Variants in SCRT1 observed in about 807,000 individuals in gnomAD.
SCRT1 encodes transcriptional repressor scratch 1.
In SCRT1, 1 loss-of-function variant was observed where a neutral mutation model predicts 3.4. The ratio of observed to expected loss-of-function variants is 0.29; its 90% CI spans 0.10 to 1.39. The LOEUF (loss-of-function observed/expected upper bound fraction) is 1.39. Ranked by LOEUF, SCRT1 falls within the 40% of genes most tolerant of loss-of-function variation. The probability of loss-of-function intolerance (pLI) is 0.42; values close to 1 mark genes in which losing one functional copy is unlikely to be tolerated. For synonymous variants in SCRT1, 238 were observed against 247.0 expected (o/e 0.96, Z 0.34); for missense variants, 380 against 526.3 (o/e 0.72, Z 2.72).
At position 144,332,285 on chromosome 8, in the gene SCRT1, C is replaced by G. The variant is rs936101641; in HGVS notation, c.*900G>C. 1.3e-5 allele frequency: 2 copies of G among 152,168 alleles called. No individual in the cohort carries two copies. Among genetic ancestry groups the G allele is most frequent in the Non-Finnish European group, 2.9e-5 (2 of 68,006 alleles). 9.4% of individuals were successfully genotyped at this position (152,168 alleles called of 1,614,324 possible). A position where few individuals can be genotyped will look rare whatever the true frequency, so the allele number is the denominator to read the frequency against. On this transcript the variant is annotated 3_prime_UTR_variant, in exon 2 of 2. Transcript: ENST00000569446. ...AAAAGAAACCCGACGCGTCCGCAAC[C>G]CCCCCAGGGGGCTTTACCCGCAAAG...
rs1275405313 is a variant in SCRT1, at chr8:144,331,212, G to A, written c.*1973C>T. On this transcript the variant is annotated 3_prime_UTR_variant, in exon 2 of 2. Coordinates refer to ENST00000569446, the MANE Select transcript of SCRT1 (RefSeq NM_031309.6). ...GGCAGCCACGCTTGCTGCTGGGGGT[G>A]AGGCTGGCCACACCATAGGCTACAG... 6.6e-6 allele frequency: 1 copy of A among 152,348 alleles called. No individual in the cohort carries two copies. The highest frequency in any genetic ancestry group is 1.5e-5 in the Non-Finnish European group (1 of 68,118). The allele number at this position is 152,348 out of a possible 1,614,324, so 9.4% of individuals were successfully genotyped here.
In SCRT1 at chr8:144,333,862, A is replaced by G. The variant is rs1251365630; in HGVS notation, c.370T>C (p.Ser124Pro). Residue 124 changes from serine (S) to proline (P), a missense_variant, in exon 2 of 2, where the codon TCG becomes CCG. By Grantham distance (74) the Ser-to-Pro change is moderately conservative (BLOSUM62 -1). Transcript: ENST00000569446. ...CCGGCATTGGAAGCCTTACGCCGCG[A>G]GCGCCCGTCGGTGATGAAGAAGGCG... ...ADAFFITDGR[S>P]RRKASNAGAA... 1.6e-6 allele frequency: 2 copies of G among 1,261,648 alleles called. No individual in the cohort carries two copies. Among genetic ancestry groups the G allele is most frequent in the Non-Finnish European group, 2.0e-6 (2 of 1,004,152 alleles). 78.2% of individuals were successfully genotyped at this position (1,261,648 alleles called of 1,614,324 possible). A position where few individuals can be genotyped will look rare whatever the true frequency, so the allele number is the denominator to read the frequency against.
Position 144,334,111 on chromosome 8 carries a change from G to A in SCRT1, c.121C>T (p.Leu41Phe). The change falls in exon 2 of 2, where the codon CTC becomes TTC. Residue 41 changes from leucine (L) to phenylalanine (F), a missense_variant. Leu to Phe is a conservative substitution (Grantham distance 22). This residue lies in a region of SCRT1 where 125 missense variants were observed against 132.7 expected (regional missense o/e 0.94). Transcript: ENST00000569446. Reference sequence around the variant, plus strand: ...GACGAGGGCCCCACGTAGTCGCTGAGGTACCCTGCGGGCGGAGGCGGACGG... The same window carrying A: ...GACGAGGGCCCCACGTAGTCGCTGAAGTACCCTGCGGGCGGAGGCGGACGG... ...LGAPLHDKGY[L>F]SDYVGPSSVY... The A allele has an allele frequency of 6.5e-7, 1 of 1,533,780 alleles. No individual in the cohort carries two copies. Among genetic ancestry groups the A allele is most frequent in the East Asian group, 2.5e-5 (1 of 39,572 alleles).
At position 144,333,998 on chromosome 8, in the gene SCRT1, A is replaced by T. The variant is rs1817845952; in HGVS notation, c.234T>A (p.Gly78=). The part of the protein sequence containing the change: ...MYAAAVRGEL[G]PAAAGSAPPP... ...GCGGCGCAGACCCTGCAGCCGCCGG[A>T]CCCAGCTCTCCACGCACAGCTGCTG... The change falls in exon 2 of 2, where the codon GGT becomes GGA. Residue 78 remains glycine, a synonymous_variant. Transcript: ENST00000569446. 6.9e-7 allele frequency: 1 copy of T among 1,450,026 alleles called. No individual in the cohort carries two copies. Among genetic ancestry groups the T allele is most frequent in the Non-Finnish European group, 9.1e-7 (1 of 1,101,934 alleles). The allele number at this position is 1,450,026 out of a possible 1,614,324, so 89.8% of individuals were successfully genotyped here. A position where few individuals can be genotyped will look rare whatever the true frequency, so the allele number is the denominator to read the frequency against.
In SCRT1 at chr8:144,332,136, C is replaced by T. The variant is rs1817777107; in HGVS notation, c.*1049G>A. ...TAGAGGCTCCCAGCTAGGGGCGGGC[C>T]TCGGGGCGTGGAAAGTAATCCCGGA... On this transcript the variant is annotated 3_prime_UTR_variant, in exon 2 of 2. Transcript: ENST00000569446. The T allele has an allele frequency of 6.6e-6, 1 of 152,130 alleles. No homozygotes were observed. Among genetic ancestry groups the T allele is most frequent in the Non-Finnish European group, 1.5e-5 (1 of 68,018 alleles). 9.4% of individuals were successfully genotyped at this position (152,130 alleles called of 1,614,324 possible).
chr8:144,336,115 C>T lies in SCRT1; in HGVS notation c.55G>A (p.Asp19Asn). 3.1e-6 allele frequency: 5 copies of T among 1,610,660 alleles called. No homozygotes were observed. The highest frequency in any genetic ancestry group is 1.7e-4 in the Middle Eastern group (1 of 6,048). The change falls in exon 1 of 2, where the codon GAC (aspartate) becomes AAC (asparagine). Residue 19 changes from aspartate (D) to asparagine (N), a missense_variant. Around this residue, in one of 5 missense-constraint regions of SCRT1, gnomAD observed 125 missense variants for 132.7 expected, o/e 0.94. Coordinates refer to ENST00000569446, the MANE Select transcript of SCRT1 (RefSeq NM_031309.6). This position sits in a 1 kb window ranked among gnomAD's most constrained non-coding sequence, Gnocchi z 6.8. ...KVKLDAFSSA[D>N]LESAYGRARS... ...GCGCGTCCGTAGGCGCTCTCCAGGT[C>T]GGCCGAAGAGAACGCGTCAAGTTTG...
In SCRT1 at chr8:144,333,402, C is replaced by T. The variant is rs1554849851; in HGVS notation, c.830G>A (p.Gly277Asp). 2 of 1,606,314 alleles carry T rather than the reference C, an allele frequency of 1.2e-6. No homozygotes were observed. The highest frequency in any genetic ancestry group is 1.7e-5 in the Admixed American group (1 of 58,824). The change falls in exon 2 of 2, where the codon GGC (glycine) becomes GAC (aspartate). Residue 277 changes from glycine to aspartate, a missense_variant. Gly to Asp is a moderately conservative substitution (Grantham distance 94). Around this residue, in one of 5 missense-constraint regions of SCRT1, gnomAD observed 56 missense variants for 169.3 expected, o/e 0.33. Coordinates refer to ENST00000569446, the MANE Select transcript of SCRT1 (RefSeq NM_031309.6). ...MRSHTGEKPFGCAHCGKAFAD... is the reference protein window; with the variant it reads ...MRSHTGEKPFDCAHCGKAFAD... ...GAAGGCCTTGCCGCAGTGCGCGCAG[C>T]CGAAGGGTTTCTCGCCGGTGTGCGA...
In SCRT1 at chr8:144,336,403, A is replaced by G; in HGVS notation, c.-234T>C. ...CTTCAATCCTTCCTTCCTTCCTTCA[A>G]TCCTTCCTTCCTTCTCTCCTCTTCT... On this transcript the variant is annotated 5_prime_UTR_variant, in exon 1 of 2. Transcript: ENST00000569446. The surrounding 1 kb of genome is among the most constrained non-coding windows in gnomAD (Gnocchi z 6.8). The G allele has an allele frequency of 2.3e-6, 1 of 427,664 alleles. No homozygotes were observed. Among genetic ancestry groups the G allele is most frequent in the Non-Finnish European group, 4.2e-6 (1 of 236,642 alleles). 26.5% of individuals were successfully genotyped at this position (427,664 alleles called of 1,614,324 possible).
chr8:144,333,587 G>A lies in SCRT1; in HGVS notation c.645C>T (p.Ser215=), dbSNP rs1159544802. The stretch of plus-strand genomic sequence containing the variant: ...AGCGCCGCGCCAGCTGGCTGTCCAG[G>A]CTGCGGTGCGTCTGCTTGTGGCGGC... ...NLSRHKQTHR[S]LDSQLARRCP... is the part of the protein sequence containing the mutation. The change falls in exon 2 of 2, where the codon AGC becomes AGT. Residue 215 remains serine (S), a synonymous_variant. Transcript: ENST00000569446. The A allele has an allele frequency of 6.2e-7, 1 of 1,610,100 alleles. No homozygotes were observed. Among genetic ancestry groups the A allele is most frequent in the Non-Finnish European group, 8.5e-7 (1 of 1,179,322 alleles).
chr8:144,334,057 G>T lies in SCRT1; in HGVS notation c.175C>A (p.Leu59Met). The change falls in exon 2 of 2, where the codon CTG (leucine) becomes ATG (methionine). Residue 59 changes from leucine to methionine, a missense_variant. Leu to Met is a conservative substitution (Grantham distance 15). Coordinates refer to ENST00000569446, the MANE Select transcript of SCRT1 (RefSeq NM_031309.6). ...GGCTCCGGCGACGGCCCTTTGAGCA[G>T]CGCAGCCTCGGCGTCGCCATCGTAG... ...SVYDGDAEAA[L>M]LKGPSPEPMY... is the part of the protein sequence containing the mutation. 1 of 1,536,350 alleles carries T rather than the reference G, an allele frequency of 6.5e-7. No homozygotes were observed. The highest frequency in any genetic ancestry group is 8.7e-7 in the Non-Finnish European group (1 of 1,144,676).
At chr8:144,334,433 A>G (rs1817855546) in intron 1 of SCRT1, among the ~76,000 whole-genome samples, 1 of 151,808 alleles carries the variant, frequency 6.6e-6, no homozygotes, top group Non-Finnish European at 1.5e-5. Context: ...CGGAGCCTCA[A>G]GGTCAGGGGG....
rs1431746201 is a variant in SCRT1 at position 144,334,203 on chromosome 8, C to T, written c.116-87G>A. The T allele has an allele frequency of 4.2e-6, 4 of 943,386 alleles. No homozygotes were observed. In the African/African-American group the frequency reaches 5.2e-5, roughly 12 times the overall value. The allele number at this position is 943,386 out of a possible 1,614,324, so 58.4% of individuals were successfully genotyped here. A position where few individuals can be genotyped will look rare whatever the true frequency, so the allele number is the denominator to read the frequency against. ...GGATGGGGGGGCGGGAGACAGCAGA[C>T]GCGGACCGGGAGACCCGGGTCCGGG... On this transcript the variant is annotated intron_variant, in intron 1 of 1. Coordinates refer to ENST00000569446, the MANE Select transcript of SCRT1 (RefSeq NM_031309.6).
At position 144,336,142 on chromosome 8, in the gene SCRT1, C is replaced by T. The variant is rs782332408; in HGVS notation, c.28G>A (p.Val10Ile). MPRSFLVKKVKLDAFSSADL... is the reference protein window; with the variant it reads MPRSFLVKKIKLDAFSSADL... ...GCCGAAGAGAACGCGTCAAGTTTGA[C>T]CTTCTTGACCAGGAAGGACCTGGGC... Residue 10 changes from valine (V) to isoleucine (I), a missense_variant, in exon 1 of 2, where the codon GTC (valine) becomes ATC (isoleucine). Transcript: ENST00000569446. The surrounding 1 kb of genome is among the most constrained non-coding windows in gnomAD (Gnocchi z 6.8). 2.5e-6 allele frequency: 4 copies of T among 1,609,060 alleles called. No homozygotes were observed. Among genetic ancestry groups the T allele is most frequent in the Non-Finnish European group, 3.4e-6 (4 of 1,178,144 alleles).
rs1347135598 is a variant in SCRT1, at chr8:144,333,891, G to A, written c.341C>T (p.Ala114Val). ...CCCGTCGGTGATGAAGAAGGCGTCC[G>A]CCGCGTAGCCCTCGCTGACGGCCGC... ...GDAAVSEGYA[A>V]DAFFITDGRS... The change falls in exon 2 of 2, where the codon GCG becomes GTG. Residue 114 changes from alanine to valine, a missense_variant. Transcript: ENST00000569446. 2.3e-6 allele frequency: 3 copies of A among 1,290,544 alleles called. No individual in the cohort carries two copies. Among genetic ancestry groups the A allele is most frequent in the Non-Finnish European group, 2.9e-6 (3 of 1,019,616 alleles). The allele number at this position is 1,290,544 out of a possible 1,614,324, so 79.9% of individuals were successfully genotyped here. A position where few individuals can be genotyped will look rare whatever the true frequency, so the allele number is the denominator to read the frequency against.
rs1817800031 is a variant in SCRT1, at chr8:144,332,764, C to CAAT, written c.*420_*421insATT. The CAAT allele has an allele frequency of 1.3e-5, 2 of 159,682 alleles. No homozygotes were observed. The highest frequency in any genetic ancestry group is 2.7e-5 in the Non-Finnish European group (2 of 73,160). The allele number at this position is 159,682 out of a possible 1,614,324, so 9.9% of individuals were successfully genotyped here. A position where few individuals can be genotyped will look rare whatever the true frequency, so the allele number is the denominator to read the frequency against. On this transcript the variant is annotated 3_prime_UTR_variant, in exon 2 of 2. Coordinates refer to ENST00000569446, the MANE Select transcript of SCRT1 (RefSeq NM_031309.6). ...GCCGGCTCCCTGGACGTCTGGGCCGCAGGCCCTGCGCTAGAAGGCTTGGGA... is the reference window on the plus strand; with the variant it reads ...GCCGGCTCCCTGGACGTCTGGGCCGCAATAGGCCCTGCGCTAGAAGGCTTGGGA...
Position 144,331,728 on chromosome 8 carries a change from GCGGC to G in SCRT1, c.*1453_*1456del, listed in dbSNP as rs1554849534. On this transcript the variant is annotated 3_prime_UTR_variant, in exon 2 of 2. Coordinates refer to ENST00000569446, the MANE Select transcript of SCRT1 (RefSeq NM_031309.6). ...GGGGAGGGGTGGGGAGAAAGTCTGC[GCGGC>G]CGGCCCCGCGCAGCGTCCCTGATCT... 3.3e-5 allele frequency: 5 copies of G among 152,390 alleles called. No individual in the cohort carries two copies. The highest frequency in any genetic ancestry group is 1.5e-5 in the Non-Finnish European group (1 of 68,042). The allele number at this position is 152,390 out of a possible 1,614,324, so 9.4% of individuals were successfully genotyped here. A position where few individuals can be genotyped will look rare whatever the true frequency, so the allele number is the denominator to read the frequency against.
At chr8:144,334,488 C>T (rs2130573258) in intron 1 of SCRT1, among the ~76,000 whole-genome samples, 1 of 150,332 alleles carries the variant, frequency 6.7e-6, no homozygotes, top group East Asian at 2.0e-4. Context: ...CCACCCTCCC[C>T]TCCCCCTCGG....
In SCRT1 at chr8:144,335,747, G is replaced by A. The variant is rs782176726; in HGVS notation, c.115+308C>T. ...GCCGGCATGGCTGGGTCCCGTCATG[G>A]CAGCGCCCATGCGGCTGTGTCTGTC... On this transcript the variant is annotated intron_variant, in intron 1 of 1. Transcript: ENST00000569446. This position sits in a 1 kb window ranked among gnomAD's most constrained non-coding sequence, Gnocchi z 7.7. 6.6e-6 allele frequency among the ~76,000 whole-genome samples: 1 copy of A among 152,186 alleles called. No individual in the cohort carries two copies. Among genetic ancestry groups the A allele is most frequent in the Non-Finnish European group, 1.5e-5 (1 of 68,030 alleles).
In SCRT1 at chr8:144,333,179, G is replaced by T. The variant is rs782174329; in HGVS notation, c.*6C>A. On this transcript the variant is annotated 3_prime_UTR_variant, in exon 2 of 2. Coordinates refer to ENST00000569446, the MANE Select transcript of SCRT1 (RefSeq NM_031309.6). Reference sequence around the variant, plus strand: ...AGCCGACCTGGCTGGGGGAGGCCCCGCCGCCCTAGGCCTGCACAGGGCTGA... The same window carrying T: ...AGCCGACCTGGCTGGGGGAGGCCCCTCCGCCCTAGGCCTGCACAGGGCTGA... 4.7e-6 allele frequency: 7 copies of T among 1,504,850 alleles called. No homozygotes were observed. The highest frequency in any genetic ancestry group is 6.2e-6 in the Non-Finnish European group (7 of 1,131,808). The allele number at this position is 1,504,850 out of a possible 1,614,324, so 93.2% of individuals were successfully genotyped here.
Sources: gnomAD v4.1 joint callset for allele counts (sites outside exome capture counted in the v4.1 genomes callset) on GRCh38, gnomAD v4.1.1 for gene constraint, gnomAD v4.1.1 regional missense constraint, Gnocchi (gnomAD v3.1) non-coding constraint, MANE v1.5 for transcripts, NCBI Gene and HGNC (gene_info 2026-07-23, HGNC 2026-07-21) for gene names.